The following GPC6 variants were observed in gnomAD, a reference collection of about 807,000 sequenced individuals.
The protein encoded by GPC6 is glypican-6.
GPC6 carries 14 observed loss-of-function variants against 55.2 expected under a neutral mutation model. The observed-to-expected ratio is 0.25, with a 90% CI of 0.17 to 0.40. The LOEUF is 0.40. GPC6 is among the 10% of genes least tolerant of loss of function. The pLI, the probability that GPC6 is intolerant of heterozygous loss-of-function variation, is 1.00. For missense variants in GPC6, 641 were observed against 708.5 expected (o/e 0.90, Z 1.08); for synonymous variants, 278 against 259.6 (o/e 1.07, Z -0.68).
At chr13:93,512,151 T>A (rs917190123) in intron 1 of GPC6, among the ~76,000 whole-genome samples, 1 of 152,112 alleles carries the variant, frequency 6.6e-6, no homozygotes, top group African/African-American at 2.4e-5. Context: ...GACCTCTCCT[T>A]TTCCAATTTG....
intron 5 of GPC6, among the ~76,000 whole-genome samples, chr13:94,288,912 T>A (rs1169291610): frequency 1.6e-5 from 2 of 128,792 alleles, no homozygotes; most frequent in African/African-American, 5.7e-5. Flanking sequence ...TATATATATT[T>A]GTTATATATA....
chr13:93,565,303 T>G (rs565021581), intron 2 of GPC6, among the ~76,000 whole-genome samples: 26 of 152,264 alleles, frequency 1.7e-4, no homozygotes, highest in Non-Finnish European at 3.5e-4. Flanking sequence ...TTGGCCCCAC[T>G]GCAATTGGGG....
chr13:93,225,519 T>TGG (rs1291269774), upstream of GPC6, among the ~76,000 whole-genome samples: 259 of 151,798 alleles, frequency 1.7e-3, no homozygotes, highest in African/African-American at 5.2e-3. Flanking sequence ...TTTTTTTTTT[T>TGG]TTTGGTTTTG....
At chr13:93,486,641 C>T (rs1464643107) in intron 1 of GPC6, among the ~76,000 whole-genome samples, 3 of 152,114 alleles carry the variant, frequency 2.0e-5, no homozygotes, top group Admixed American at 6.5e-5. Context: ...AATCTATTAA[C>T]TCCATAGTGT....
chr13:94,208,752 C>CAAA, intron 4 of GPC6, among the ~76,000 whole-genome samples: 2 of 95,720 alleles, frequency 2.1e-5, no homozygotes, highest in Non-Finnish European at 4.4e-5. Flanking sequence ...CTCCCATCTC[C>CAAA]CAAAAAAAAA....
At chr13:94,320,114 T>C (rs1225492250) in intron 6 of GPC6, among the ~76,000 whole-genome samples, 1 of 152,234 alleles carries the variant, frequency 6.6e-6, no homozygotes, top group Non-Finnish European at 1.5e-5. Context: ...ACTTCTCAGT[T>C]GATTTAGTCT....
intron 3 of GPC6, among the ~76,000 whole-genome samples, chr13:94,020,307 A>T (rs1192529718): frequency 3.9e-5 from 6 of 152,102 alleles, no homozygotes; most frequent in Non-Finnish European, 7.4e-5. Context: ...TCCCTCTGTT[A>T]CTGATTTCTA....
chr13:93,456,396 TAATG>T (rs1156683340), intron 1 of GPC6, among the ~76,000 whole-genome samples: 1 of 152,148 alleles, frequency 6.6e-6, no homozygotes, highest in Non-Finnish European at 1.5e-5. Context: ...GTTAAAATGA[TAATG>T]AAAGAAATTT....
At chr13:94,310,357 C>T (rs1395452800) in intron 6 of GPC6, among the ~76,000 whole-genome samples, 1 of 152,118 alleles carries the variant, frequency 6.6e-6, no homozygotes, top group African/African-American at 2.4e-5. Context: ...AGTAAGTATT[C>T]AACACTGTAC....
rs535210864 is a variant in GPC6, at chr13:93,238,104, CGATATT to C, written c.160+10490_160+10495del. On this transcript the variant is annotated intron_variant, in intron 1 of 8. Coordinates refer to ENST00000377047, the MANE Select transcript of GPC6 (RefSeq NM_005708.5). Reference sequence around the variant, plus strand: ...TTGCTTTTTCTAACTCTGTGAAAAACGATATTGGTATATTGATAGAAATTGCATTGA... The same window carrying C: ...TTGCTTTTTCTAACTCTGTGAAAAACGGTATATTGATAGAAATTGCATTGA... Among the ~76,000 whole-genome samples, 278 of 152,036 alleles carry C rather than the reference CGATATT, an allele frequency of 1.8e-3. 3 individuals carry two copies. The highest frequency in any genetic ancestry group is 6.8e-3 in the Middle Eastern group (2 of 294).
rs1477332010 is a variant in GPC6 at position 94,139,201 on chromosome 13, A to T, written c.877+111307A>T. Among the ~76,000 whole-genome samples, 3 of 152,156 alleles carry T rather than the reference A, an allele frequency of 2.0e-5. No individual in the cohort carries two copies. The East Asian group carries it at 5.8e-4, about 29-fold the overall frequency. On this transcript the variant is annotated intron_variant, in intron 4 of 8. Transcript: ENST00000377047. ...TAGATAAGGCTAAATCCACATTATG[A>T]CATGACTCATATGCAGCCAACAATG...
At chr13:93,744,354 T>C (rs201036954) in intron 2 of GPC6, among the ~76,000 whole-genome samples, 2 of 152,088 alleles carry the variant, frequency 1.3e-5, no homozygotes, top group East Asian at 3.9e-4. Context: ...AACCTGCTTT[T>C]CTAATCTATC....
At chr13:93,760,523 A>G (rs972279747) in intron 2 of GPC6, among the ~76,000 whole-genome samples, 1 of 152,190 alleles carries the variant, frequency 6.6e-6, no homozygotes, top group African/African-American at 2.4e-5. Context: ...CATCCAGAGC[A>G]TGGCCTGCAC....
intron 3 of GPC6, chr13:93,830,887 A>G (rs1402999028): frequency 3.9e-6 from 1 of 254,660 alleles, no homozygotes; most frequent in Non-Finnish European, 7.6e-6. Flanking sequence ...AAGGATGATA[A>G]ATACTCATGA....
chr13:94,262,777 T>C (rs1891693819), intron 4 of GPC6, among the ~76,000 whole-genome samples: 1 of 152,106 alleles, frequency 6.6e-6, no homozygotes, highest in African/African-American at 2.4e-5. Context: ...AGATGTGATC[T>C]AGGGAAGAAA....
intron 4 of GPC6, among the ~76,000 whole-genome samples, chr13:94,074,387 G>T (rs1884838873): frequency 6.6e-6 from 1 of 152,214 alleles, no homozygotes; most frequent in African/African-American, 2.4e-5. Context: ...AAGGTTTAAA[G>T]ATGATTTTCA....
chr13:93,852,609 C>G (rs1015828495), intron 3 of GPC6, among the ~76,000 whole-genome samples: 1 of 151,656 alleles, frequency 6.6e-6, no homozygotes, highest in African/African-American at 2.4e-5. Context: ...TGATTTCTCT[C>G]TCTCTCTCCA....
rs1352484565 is a variant in GPC6 at position 94,367,793 on chromosome 13, A to ATCCTTT, written c.1153-14621_1153-14620insTCCTTT. The stretch of plus-strand genomic sequence containing the variant: ...AAAGATTCACTTCCTACTTTTTTAA[A>ATCCTTT]ATTTTTATTTATATCCTTCTTAGTC... On this transcript the variant is annotated intron_variant, in intron 6 of 8. Coordinates refer to ENST00000377047, the MANE Select transcript of GPC6 (RefSeq NM_005708.5). Among the ~76,000 whole-genome samples, 12 of 152,036 alleles carry ATCCTTT rather than the reference A, an allele frequency of 7.9e-5. No individual in the cohort carries two copies. In the East Asian group the frequency reaches 1.4e-3, roughly 17 times the overall value.
At chr13:94,150,663 G>T (rs942987528) in intron 4 of GPC6, among the ~76,000 whole-genome samples, 1 of 150,874 alleles carries the variant, frequency 6.6e-6, no homozygotes, top group African/African-American at 2.4e-5. Flanking sequence ...TGATATCCAC[G>T]CTCCTAATAA....
Sources: allele counts gnomAD v4.1 joint callset (sites outside exome capture counted in the v4.1 genomes callset), GRCh38; gene constraint gnomAD v4.1.1; transcripts MANE v1.5; gene names NCBI Gene and HGNC (gene_info 2026-07-23, HGNC 2026-07-21).